TAFA4: variants seen among roughly 807,000 people sequenced by gnomAD.
TAFA4 encodes TAFA chemokine like family member 4, also known as chemokine-like protein TAFA-4.
Under a neutral mutation model 21.1 loss-of-function variants are expected in TAFA4, and 20 were observed. The observed-to-expected ratio is 0.95, with a 90% CI of 0.67 to 1.38. The LOEUF is 1.38. TAFA4 is among the 40% of genes most tolerant of loss of function. TAFA4 has a pLI of 0.00. For missense variants in TAFA4, 211 were observed against 180.9 expected, an observed-to-expected ratio of 1.17 and a Z score of -0.95; for synonymous variants, 71 against 67.4, an observed-to-expected ratio of 1.05 and a Z score of -0.26.
chr3:68,921,939 T>G (rs890429520), intron 1 of TAFA4, among the ~76,000 whole-genome samples: 1 of 152,204 alleles, frequency 6.6e-6, no homozygotes, highest in Non-Finnish European at 1.5e-5. Context: ...ACACATCTTA[T>G]GCTCTAAAAG....
chr3:68,916,969 T>C (rs2090009989), intron 1 of TAFA4, among the ~76,000 whole-genome samples: 1 of 152,210 alleles, frequency 6.6e-6, no homozygotes, highest in Non-Finnish European at 1.5e-5. Flanking sequence ...CCTGATTCTG[T>C]ACAGCTTGTG....
chr3:68,779,688 A>C (rs1224028984), intron 3 of TAFA4, among the ~76,000 whole-genome samples: 1 of 152,210 alleles, frequency 6.6e-6, no homozygotes. Context: ...ACTTCTGCCT[A>C]GATTTCAGAG....
chr3:68,749,994 C>G (rs928952096), intron 4 of TAFA4, among the ~76,000 whole-genome samples: 2 of 152,222 alleles, frequency 1.3e-5, no homozygotes, highest in Non-Finnish European at 2.9e-5. Context: ...CATCACAGAA[C>G]ATTTTAGTAG....
At chr3:68,809,599 CA>C (rs1703787338) in intron 3 of TAFA4, among the ~76,000 whole-genome samples, 1 of 148,982 alleles carries the variant, frequency 6.7e-6, no homozygotes, top group African/African-American at 2.5e-5. Flanking sequence ...CTTTTGTTGC[CA>C]GTGCTCTGGG....
chr3:68,754,401 A>C (rs188319350), intron 3 of TAFA4, among the ~76,000 whole-genome samples: 3 of 152,322 alleles, frequency 2.0e-5, no homozygotes, highest in African/African-American at 7.2e-5. Context: ...ACATTTTTCA[A>C]GAGTTACATG....
chr3:68,881,032 C>T (rs2089612058), intron 2 of TAFA4, among the ~76,000 whole-genome samples, 187 bp from the exon 3 acceptor site: 1 of 152,180 alleles, frequency 6.6e-6, no homozygotes, highest in South Asian at 2.1e-4. Flanking sequence ...TCAATAAAAA[C>T]CTTTGATAAT....
At chr3:68,842,886 T>C (rs1335578752) in intron 3 of TAFA4, among the ~76,000 whole-genome samples, 3 of 152,180 alleles carry the variant, frequency 2.0e-5, no homozygotes, top group Non-Finnish European at 4.4e-5. Context: ...TCTGTTTCAT[T>C]GGTCTATGTA....
At chr3:68,854,827 C>G (rs1705030204) in intron 3 of TAFA4, among the ~76,000 whole-genome samples, 1 of 152,114 alleles carries the variant, frequency 6.6e-6, no homozygotes, top group South Asian at 2.1e-4. Context: ...CAACCTTACG[C>G]TTCTGGAAAA....
chr3:68,927,968 T>C (rs1418649576), intron 1 of TAFA4, among the ~76,000 whole-genome samples: 1 of 152,156 alleles, frequency 6.6e-6, no homozygotes, highest in Non-Finnish European at 1.5e-5. Context: ...TCTTCTGGAC[T>C]AACAATACCA....
intron 1 of TAFA4, among the ~76,000 whole-genome samples, chr3:68,897,099 G>T (rs2089798380): frequency 6.6e-6 from 1 of 151,832 alleles, no homozygotes; most frequent in Non-Finnish European, 1.5e-5. Flanking sequence ...ATGGGGTTTT[G>T]CCATGTTGGC....
chr3:68,792,706 A>G (rs1703384418), intron 3 of TAFA4, among the ~76,000 whole-genome samples: 1 of 152,156 alleles, frequency 6.6e-6, no homozygotes, highest in Non-Finnish European at 1.5e-5. Flanking sequence ...GCGGTTGCAC[A>G]TGTAATTTTG....
chr3:68,789,939 G>A (rs1393878856), intron 3 of TAFA4, among the ~76,000 whole-genome samples: 1 of 152,118 alleles, frequency 6.6e-6, no homozygotes, highest in Non-Finnish European at 1.5e-5. Context: ...ATATTCTTCA[G>A]GCTGAAGGGA....
chr3:68,868,193 T>C (rs2089442000), intron 3 of TAFA4, among the ~76,000 whole-genome samples: 1 of 151,648 alleles, frequency 6.6e-6, no homozygotes, highest in African/African-American at 2.4e-5. Flanking sequence ...AGAGCAGGAG[T>C]AGCTAACCTT....
intron 3 of TAFA4, among the ~76,000 whole-genome samples, chr3:68,824,634 A>G (rs1028893368): frequency 6.6e-6 from 1 of 152,212 alleles, no homozygotes; most frequent in Non-Finnish European, 1.5e-5. Flanking sequence ...TCGAATGTGC[A>G]TCTCCTTAAG....
At chr3:68,856,227 G>T (rs190728653) in intron 3 of TAFA4, among the ~76,000 whole-genome samples, 2 of 152,282 alleles carry the variant, frequency 1.3e-5, no homozygotes, top group Admixed American at 1.3e-4. Context: ...CCCCTGAGGA[G>T]AAAACTAGGT....
chr3:68,895,916 G>T (rs1161236855), intron 1 of TAFA4, among the ~76,000 whole-genome samples: 1 of 152,210 alleles, frequency 6.6e-6, no homozygotes, highest in East Asian at 1.9e-4. Flanking sequence ...AGGAAAAGAG[G>T]TTAGCTACTT....
chr3:68,871,352 G>A (rs898935602), intron 3 of TAFA4, among the ~76,000 whole-genome samples: 2 of 151,872 alleles, frequency 1.3e-5, no homozygotes, highest in South Asian at 2.1e-4. Context: ...TCAAAAAATG[G>A]TGCTGGGAAA....
At chr3:68,756,891 A>G (rs2106759362) in intron 3 of TAFA4, among the ~76,000 whole-genome samples, 1 of 152,346 alleles carries the variant, frequency 6.6e-6, no homozygotes, top group African/African-American at 2.4e-5. Flanking sequence ...TTTAGCACTG[A>G]GTGAGCAGAA....
At chr3:68,874,963 C>A (rs1407654433) in intron 3 of TAFA4, among the ~76,000 whole-genome samples, 1 of 152,104 alleles carries the variant, frequency 6.6e-6, no homozygotes, top group African/African-American at 2.4e-5. Context: ...AAGCTGAGCC[C>A]ATCAAGATGG....
Sources: allele counts gnomAD v4.1 joint callset (sites outside exome capture counted in the v4.1 genomes callset), GRCh38; gene constraint gnomAD v4.1.1; transcripts MANE v1.5; gene names NCBI Gene and HGNC (gene_info 2026-07-23, HGNC 2026-07-21).